ZMYM5: variants seen among roughly 807,000 people sequenced by gnomAD.
The protein encoded by ZMYM5 is zinc finger MYM-type containing 5.
In ZMYM5, 41 loss-of-function variants were observed where a neutral mutation model predicts 61.8. That is an observed-to-expected ratio of 0.66 (90% confidence interval 0.52 to 0.86). The LOEUF (loss-of-function observed/expected upper bound fraction) is 0.86. ZMYM5 is among the 40% of genes least tolerant of loss of function. The pLI, the probability that ZMYM5 is intolerant of heterozygous loss-of-function variation, is 0.00. For synonymous variants in ZMYM5, 257 were observed against 276.4 expected (o/e 0.93, Z 0.70); for missense variants, 706 against 786.7 (o/e 0.90, Z 1.23).
At chr13:19,835,770 A>C (rs1193465512) in intron 6 of ZMYM5, 81 bp from the exon 7 acceptor site, 7 of 1,038,982 alleles carry the variant, frequency 6.7e-6, no homozygotes, top group Non-Finnish European at 9.2e-6. Context: ...TAGTTTCTGC[A>C]ATAGAAGCAA....
At chr13:19,830,317 T>G (rs1024458781) in intron 7 of ZMYM5, among the ~76,000 whole-genome samples, 1 of 152,210 alleles carries the variant, frequency 6.6e-6, no homozygotes. Flanking sequence ...AGCACATTTA[T>G]AAAATGTAAA....
At chr13:19,850,015 C>CA (rs1271764638) in intron 4 of ZMYM5, among the ~76,000 whole-genome samples, 5 of 151,240 alleles carry the variant, frequency 3.3e-5, no homozygotes, top group African/African-American at 1.2e-4. Context: ...TTCCTGAAGG[C>CA]AACAACATGA....
chr13:19,857,770 T>C (rs1041842476), intron 2 of ZMYM5, among the ~76,000 whole-genome samples: 3 of 151,930 alleles, frequency 2.0e-5, no homozygotes, highest in East Asian at 1.9e-4. Context: ...TCTGAGCACT[T>C]TGGGAGGCTG....
rs148140580 is a variant in ZMYM5, at chr13:19,851,713, G to A, written c.468C>T (p.Ser156=). Residue 156 remains serine (S), a synonymous_variant, in exon 3 of 8, where the codon TCC becomes TCT. Transcript: ENST00000337963. The part of the protein sequence containing the change: ...TKNKTNDLDF[S]TSSLSRSKTK... The stretch of plus-strand genomic sequence containing the variant: ...CCTTACTTCTTGAAAGACTGGAAGT[G>A]GAGAAATCCAAATCGTTGGTTTTGT... The A allele has an allele frequency of 2.5e-6, 4 of 1,579,674 alleles. No homozygotes were observed. The highest frequency in any genetic ancestry group is 3.9e-5 in the Admixed American group (2 of 51,352).
At chr13:19,856,735 G>A (rs897396352) in intron 2 of ZMYM5, among the ~76,000 whole-genome samples, 7 of 152,232 alleles carry the variant, frequency 4.6e-5, no homozygotes, top group African/African-American at 1.4e-4. Context: ...GCTTGAACCC[G>A]GGAGGTAGAA....
chr13:19,844,185 C>T (rs1430639914), intron 4 of ZMYM5, among the ~76,000 whole-genome samples: 2 of 151,184 alleles, frequency 1.3e-5, no homozygotes, highest in African/African-American at 4.9e-5. Context: ...GTATGCATAC[C>T]TGTAATCCTA....
Position 19,824,886 on chromosome 13 carries a change from C to T in ZMYM5, c.1601G>A (p.Arg534Gln), listed in dbSNP as rs767487968. Residue 534 changes from arginine to glutamine, a missense_variant, in exon 8 of 8, where the codon CGG (arginine) becomes CAG (glutamine). By Grantham distance (43) the Arg-to-Gln change is conservative. Coordinates refer to ENST00000337963, the MANE Select transcript of ZMYM5 (RefSeq NM_001142684.2). Reference sequence around the variant, plus strand: ...CGGAACATTTTCAACAAGAGTGTCCCGTTGTTTAATATTCAAAATTCGGGG... The same window carrying T: ...CGGAACATTTTCAACAAGAGTGTCCTGTTGTTTAATATTCAAAATTCGGGG... Reference protein sequence around the residue: ...TWPRILNIKQRDTLVENVPPQ... With the variant: ...TWPRILNIKQQDTLVENVPPQ... 39 of 1,356,542 alleles carry T rather than the reference C, an allele frequency of 2.9e-5. No homozygotes were observed. Among genetic ancestry groups the T allele is most frequent in the Admixed American group, 7.9e-5 (4 of 50,626 alleles). 84.0% of individuals were successfully genotyped at this position (1,356,542 alleles called of 1,614,324 possible).
At chr13:19,826,757 TAAA>T (rs34298303) in intron 7 of ZMYM5, among the ~76,000 whole-genome samples, 3 of 128,768 alleles carry the variant, frequency 2.3e-5, no homozygotes, top group East Asian at 2.3e-4. Flanking sequence ...TCCGTCTCGT[TAAA>T]AAAAAAAAAA....
intron 2 of ZMYM5, among the ~76,000 whole-genome samples, chr13:19,858,957 T>C (rs1197798126): frequency 6.6e-6 from 1 of 152,156 alleles, no homozygotes; most frequent in African/African-American, 2.4e-5. Flanking sequence ...TAAAAATTTT[T>C]TCTTTGATAA....
intron 4 of ZMYM5, among the ~76,000 whole-genome samples, chr13:19,839,276 A>C (rs1356563568): frequency 6.6e-6 from 1 of 152,192 alleles, no homozygotes; most frequent in African/African-American, 2.4e-5. Context: ...AGATCTCCTG[A>C]ATGTAATATT....
intron 1 of ZMYM5, among the ~76,000 whole-genome samples, chr13:19,863,013 G>A (rs1953829531): frequency 6.6e-6 from 1 of 152,234 alleles, no homozygotes; most frequent in African/African-American, 2.4e-5. Context: ...CAGCGGGGCA[G>A]AGGCAGAAGC....
chr13:19,825,039 T>C lies in ZMYM5; in HGVS notation c.1448A>G (p.Gln483Arg). The C allele has an allele frequency of 7.3e-7, 1 of 1,367,698 alleles. No individual in the cohort carries two copies. The highest frequency in any genetic ancestry group is 2.1e-4 in the Middle Eastern group (1 of 4,768). The allele number at this position is 1,367,698 out of a possible 1,614,324, so 84.7% of individuals were successfully genotyped here. A position where few individuals can be genotyped will look rare whatever the true frequency, so the allele number is the denominator to read the frequency against. ...AGAAGGAGGTAAATTCACATTCTCT[T>C]GGATCAGTAATGTATCCGTGCCACA... ...VECGTDTLLI[Q>R]ENVNLPPSST... The change falls in exon 8 of 8, where the codon CAA (glutamine) becomes CGA (arginine). Residue 483 changes from glutamine (Q) to arginine (R), a missense_variant. Coordinates refer to ENST00000337963, the MANE Select transcript of ZMYM5 (RefSeq NM_001142684.2).
intron 2 of ZMYM5, among the ~76,000 whole-genome samples, chr13:19,856,872 A>C (rs1294434673): frequency 1.6e-4 from 24 of 152,066 alleles, no homozygotes; most frequent in Admixed American, 1.6e-3. Flanking sequence ...TTTGGGAGGC[A>C]GAGGCGGGCA....
chr13:19,857,034 A>T (rs944078781), intron 2 of ZMYM5, among the ~76,000 whole-genome samples: 1 of 152,142 alleles, frequency 6.6e-6, no homozygotes, highest in Non-Finnish European at 1.5e-5. Context: ...TGAACCCGGG[A>T]GGCGGAGCTT....
Position 19,824,573 on chromosome 13 carries a change from T to A in ZMYM5, c.1914A>T (p.Leu638Phe). 1 of 1,315,508 alleles carries A rather than the reference T, an allele frequency of 7.6e-7. No individual in the cohort carries two copies. Among genetic ancestry groups the A allele is most frequent in the African/African-American group, 1.5e-5 (1 of 66,880 alleles). The allele number at this position is 1,315,508 out of a possible 1,614,324, so 81.5% of individuals were successfully genotyped here. A position where few individuals can be genotyped will look rare whatever the true frequency, so the allele number is the denominator to read the frequency against. ...CTTTATTTTTTTTCAGATCAGATTT[T>A]AATTTTGAGTACTTAACACTATTGT... ...HVNNSVKYSK[L>F]KSDLKKNKAI... Residue 638 changes from leucine to phenylalanine, a missense_variant, in exon 8 of 8, where the codon TTA becomes TTT. By Grantham distance (22) the Leu-to-Phe change is conservative. Around this residue, in one of 2 missense-constraint regions of ZMYM5, gnomAD observed 226 missense variants for 325.0 expected, o/e 0.70. Transcript: ENST00000337963.
intron 7 of ZMYM5, among the ~76,000 whole-genome samples, chr13:19,828,102 G>A (rs1378524769): frequency 6.6e-6 from 1 of 150,874 alleles, no homozygotes; most frequent in Non-Finnish European, 1.5e-5. Context: ...AGTACCATAT[G>A]CAATGCAGTG....
intron 2 of ZMYM5, among the ~76,000 whole-genome samples, chr13:19,853,031 T>C (rs570378408): frequency 1.3e-5 from 2 of 152,306 alleles, no homozygotes; most frequent in South Asian, 4.1e-4. Context: ...CATAAAGTTC[T>C]TGGAGAGAGG....
chr13:19,828,575 TATG>T (rs1421291874), intron 7 of ZMYM5, among the ~76,000 whole-genome samples: 4 of 152,180 alleles, frequency 2.6e-5, no homozygotes, highest in African/African-American at 9.7e-5. Flanking sequence ...CTAATTGTAT[TATG>T]AATTCCCAAC....
intron 2 of ZMYM5, among the ~76,000 whole-genome samples, chr13:19,855,345 C>T (rs931857274): frequency 2.6e-5 from 4 of 151,944 alleles, no homozygotes; most frequent in African/African-American, 9.7e-5. Context: ...TTACTGCAAG[C>T]TCCGCCTGCC....
Sources: gnomAD v4.1 joint callset for allele counts (sites outside exome capture counted in the v4.1 genomes callset) on GRCh38, gnomAD v4.1.1 for gene constraint, gnomAD v4.1.1 regional missense constraint, MANE v1.5 for transcripts, NCBI Gene and HGNC (gene_info 2026-07-23, HGNC 2026-07-21) for gene names.